Variants in NRIP1 observed in about 807,000 individuals in gnomAD.
The protein encoded by NRIP1 is nuclear receptor interacting protein 1, also known as nuclear receptor-interacting protein 1.
NRIP1 carries 28 observed loss-of-function variants against 75.0 expected under a neutral mutation model. That is an observed-to-expected ratio of 0.37 (90% CI 0.28 to 0.51). The LOEUF (loss-of-function observed/expected upper bound fraction) is 0.51. Ranked by LOEUF, NRIP1 falls within the 20% of genes least tolerant of loss-of-function variation. The probability of loss-of-function intolerance (pLI) is 0.92; values close to 1 mark genes in which losing one functional copy is unlikely to be tolerated. For missense variants in NRIP1, 1,435 were observed against 1,343.7 expected (o/e 1.07, Z -1.06); for synonymous variants, 526 against 487.6 (o/e 1.08, Z -1.04).
At chr21:15,055,923 G>T (rs2089296454) in intron 1 of NRIP1, among the ~76,000 whole-genome samples, 1 of 151,488 alleles carries the variant, frequency 6.6e-6, no homozygotes, top group Non-Finnish European at 1.5e-5. Context: ...GTATCACATG[G>T]ATCCCCTGGC....
intron 1 of NRIP1, among the ~76,000 whole-genome samples, chr21:15,045,482 C>G (rs891921722): frequency 2.0e-5 from 3 of 152,192 alleles, no homozygotes; most frequent in Non-Finnish European, 4.4e-5. Flanking sequence ...TACTTTATTG[C>G]TAAAAATGCT....
intron 3 of NRIP1, among the ~76,000 whole-genome samples, chr21:15,007,534 CA>C (rs2088001081): frequency 6.6e-6 from 1 of 152,120 alleles, no homozygotes; most frequent in African/African-American, 2.4e-5. Flanking sequence ...GTAATTCTTA[CA>C]GGGGTGCTTT....
chr21:15,026,739 G>C (rs1028397468), intron 2 of NRIP1, among the ~76,000 whole-genome samples: 8 of 151,930 alleles, frequency 5.3e-5, no homozygotes, highest in African/African-American at 1.7e-4. Flanking sequence ...CACACAGAGG[G>C]GAAGAAATAA....
Position 14,967,290 on chromosome 21 carries a change from C to G in NRIP1, c.903G>C (p.Met301Ile), listed in dbSNP as rs1240992981. 1 of 1,613,948 alleles carries G rather than the reference C, an allele frequency of 6.2e-7. No homozygotes were observed. Among genetic ancestry groups the G allele is most frequent in the Admixed American group, 1.7e-5 (1 of 59,982 alleles). ...TCTGGCCATTTTCTTGCAATCTGGC[C>G]ATAGCAGCAAGTCTTTCACTTGCTG... ...NQAASERLAAMARLQENGQKD... is the reference protein window; with the variant it reads ...NQAASERLAAIARLQENGQKD... The change falls in exon 4 of 4, where the codon ATG becomes ATC. Residue 301 changes from methionine to isoleucine, a missense_variant. Transcript: ENST00000318948.
Position 15,062,176 on chromosome 21 carries a change from A to G in NRIP1, c.-538+2569T>C, listed in dbSNP as rs374880777. On this transcript the variant is annotated intron_variant, in intron 1 of 3. Coordinates refer to ENST00000318948, the MANE Select transcript of NRIP1 (RefSeq NM_003489.4). Reference sequence around the variant, plus strand: ...CTCCATGGACAATGTGATAAGCCACATGGCAACAAAGCTGCCTCCCTAAGG... The same window carrying G: ...CTCCATGGACAATGTGATAAGCCACGTGGCAACAAAGCTGCCTCCCTAAGG... 5.3e-5 allele frequency among the ~76,000 whole-genome samples: 8 copies of G among 152,258 alleles called. No homozygotes were observed. In the East Asian group the frequency reaches 9.6e-4, roughly 18 times the overall value.
rs772568374 is a variant in NRIP1 at position 14,965,222 on chromosome 21, G to A, written c.2971C>T (p.Pro991Ser). Residue 991 changes from proline to serine, a missense_variant, in exon 4 of 4, where the codon CCC becomes TCC. Physicochemically the swap from Pro to Ser is moderately conservative, Grantham distance 74. Coordinates refer to ENST00000318948, the MANE Select transcript of NRIP1 (RefSeq NM_003489.4). The stretch of plus-strand genomic sequence containing the variant: ...GTCCTGTTATCCATGCAACTGCTGG[G>A]CTGAGTGGAACTGTACATCAGTCCA... ...LNGLMYSSTQ[P>S]SSCMDNRTFS... The A allele has an allele frequency of 1.2e-6, 2 of 1,613,918 alleles. No homozygotes were observed. Among genetic ancestry groups the A allele is most frequent in the East Asian group, 4.5e-5 (2 of 44,876 alleles).
chr21:15,038,636 G>A (rs1040168736), intron 2 of NRIP1, among the ~76,000 whole-genome samples: 1 of 151,894 alleles, frequency 6.6e-6, no homozygotes, highest in African/African-American at 2.4e-5. Context: ...CTTTCAAAGG[G>A]ATGTGTATGT....
chr21:15,045,161 C>A (rs1013839861), intron 1 of NRIP1, among the ~76,000 whole-genome samples: 1 of 152,154 alleles, frequency 6.6e-6, no homozygotes, highest in Admixed American at 6.5e-5. Context: ...AGACAATCAG[C>A]CTGGTTGGGT....
At chr21:15,027,507 G>C (rs932613239) in intron 2 of NRIP1, among the ~76,000 whole-genome samples, 6 of 152,110 alleles carry the variant, frequency 3.9e-5, no homozygotes, top group Non-Finnish European at 5.9e-5. Flanking sequence ...AACCAAAGGA[G>C]TATATAAAGA....
chr21:15,016,211 T>G (rs2088223469), intron 2 of NRIP1, among the ~76,000 whole-genome samples: 1 of 152,222 alleles, frequency 6.6e-6, no homozygotes, highest in Admixed American at 6.5e-5. Flanking sequence ...CCCCAAATTA[T>G]AGATCTTGGA....
chr21:14,987,847 C>T (rs1415574645), intron 3 of NRIP1: 2 of 152,154 alleles, frequency 1.3e-5, no homozygotes, highest in African/African-American at 4.8e-5. Flanking sequence ...CACTAAAGCT[C>T]AGAACAACTG....
intron 3 of NRIP1, among the ~76,000 whole-genome samples, chr21:14,994,066 AT>A (rs2087648017): frequency 6.6e-6 from 1 of 152,016 alleles, no homozygotes; most frequent in Non-Finnish European, 1.5e-5. Flanking sequence ...AAGCGTATTG[AT>A]TCCTCTATCC....
chr21:15,029,586 A>AT (rs915712147), intron 2 of NRIP1, among the ~76,000 whole-genome samples: 1 of 151,954 alleles, frequency 6.6e-6, no homozygotes, highest in Non-Finnish European at 1.5e-5. Flanking sequence ...GAGGGTAGCA[A>AT]TTTTTTTTCT....
intron 3 of NRIP1, chr21:14,971,525 T>C (rs1355630299): frequency 6.6e-6 from 1 of 152,200 alleles, no homozygotes; most frequent in South Asian, 2.1e-4. Flanking sequence ...TTATGTTCAT[T>C]TTTAAAAAGG....
At chr21:15,052,552 C>T (rs2089223814) in intron 1 of NRIP1, among the ~76,000 whole-genome samples, 3 of 152,108 alleles carry the variant, frequency 2.0e-5, no homozygotes, top group Admixed American at 6.5e-5. Context: ...CACAGTTTTC[C>T]CCCGCGATAC....
At chr21:14,982,697 GGTTTTTTTTT>G (rs745373961) in intron 3 of NRIP1, among the ~76,000 whole-genome samples, 42 of 93,196 alleles carry the variant, frequency 4.5e-4, no homozygotes, top group African/African-American at 1.6e-3. Flanking sequence ...ATTATTGTGG[GGTTTTTTTTT>G]GTTTTTTTTT....
chr21:15,056,075 T>C (rs1454559098), intron 1 of NRIP1, among the ~76,000 whole-genome samples: 1 of 152,098 alleles, frequency 6.6e-6, no homozygotes, highest in Non-Finnish European at 1.5e-5. Context: ...TTATTTTATT[T>C]ATAGTCTACA....
intron 2 of NRIP1, among the ~76,000 whole-genome samples, chr21:15,030,249 A>G (rs2088612896): frequency 6.6e-6 from 1 of 152,246 alleles, no homozygotes. Flanking sequence ...ATTAACTGCC[A>G]ATACTCCAAA....
chr21:15,033,491 A>C (rs1227802002), intron 2 of NRIP1, among the ~76,000 whole-genome samples: 1 of 152,130 alleles, frequency 6.6e-6, no homozygotes, highest in Non-Finnish European at 1.5e-5. Flanking sequence ...CAATCCATTT[A>C]CCCATAAACA....
Sources: allele counts gnomAD v4.1 joint callset (sites outside exome capture counted in the v4.1 genomes callset), GRCh38; gene constraint gnomAD v4.1.1; transcripts MANE v1.5; gene names NCBI Gene and HGNC (gene_info 2026-07-23, HGNC 2026-07-21).